Variants in NTF4 observed in about 807,000 individuals in gnomAD.
The protein encoded by NTF4 is neurotrophin-4.
A neutral mutation model predicts 4.4 loss-of-function variants in NTF4; 2 were observed. That is an observed-to-expected ratio of 0.46 (90% CI 0.19 to 1.44). The LOEUF (loss-of-function observed/expected upper bound fraction) is 1.44. Among genes scored for constraint, NTF4 ranks in the 40% most tolerant of loss-of-function variants. The pLI is 0.26. For synonymous variants in NTF4, 127 were observed against 122.0 expected (o/e 1.04, Z -0.27); for missense variants, 260 against 293.0 (o/e 0.89, Z 0.82).
rs951341070 is a variant in NTF4 at position 49,061,701 on chromosome 19, T to G, written c.297A>C (p.Ala99=). The change falls in exon 1 of 1, where the codon GCA becomes GCC. Residue 99 remains alanine (A), a synonymous_variant. Transcript: ENST00000593537. The surrounding 1 kb of genome is among the most constrained non-coding windows in gnomAD (Gnocchi z 4.9). ...GGCGGTCTGTCACCCAGCCACTGAC[T>G]GCATCGCACACAGCCAGCTCACCCC... The G allele has an allele frequency of 1.9e-6, 3 of 1,613,264 alleles. No individual in the cohort carries two copies. The highest frequency in any genetic ancestry group is 1.7e-5 in the Admixed American group (1 of 60,000).
chr19:49,062,657 G>A (rs574309682), upstream of NTF4, among the ~76,000 whole-genome samples: 18 of 152,026 alleles, frequency 1.2e-4, no homozygotes, highest in African/African-American at 3.9e-4. Context: ...GGTGGCGCAT[G>A]TCTGTAATCC....
At position 49,061,216 on chromosome 19, in the gene NTF4, T is replaced by C; in HGVS notation, c.*149A>G. On this transcript the variant is annotated 3_prime_UTR_variant, in exon 1 of 1. Transcript: ENST00000593537. The surrounding 1 kb of genome is among the most constrained non-coding windows in gnomAD (Gnocchi z 4.9). ...TTCAACCTCCAAAACCCCATGTGGT[T>C]TCACCCATCCTGCAGAGATTGAGCT... 2 of 1,480,018 alleles carry C rather than the reference T, an allele frequency of 1.4e-6. No individual in the cohort carries two copies. The highest frequency in any genetic ancestry group is 9.0e-7 in the Non-Finnish European group (1 of 1,107,334). The allele number at this position is 1,480,018 out of a possible 1,614,324, so 91.7% of individuals were successfully genotyped here. A position where few individuals can be genotyped will look rare whatever the true frequency, so the allele number is the denominator to read the frequency against.
upstream of NTF4, chr19:49,064,446 A>C: frequency 6.2e-6 from 1 of 160,208 alleles, no homozygotes. Context: ...CCTCCCTCAG[A>C]CCCAGGAGTA....
Position 49,061,323 on chromosome 19 carries a change from G to T in NTF4, c.*42C>A, listed in dbSNP as rs1342211245. On this transcript the variant is annotated 3_prime_UTR_variant, in exon 1 of 1. Coordinates refer to ENST00000593537, the Ensembl canonical transcript of NTF4. This position sits in a 1 kb window ranked among gnomAD's most constrained non-coding sequence, Gnocchi z 4.9. Reference sequence around the variant, plus strand: ...TTAGATCAGCTGGGCCATCCCTGAGGTCTCTCAGCATCCAGCTCTGTTATT... The same window carrying T: ...TTAGATCAGCTGGGCCATCCCTGAGTTCTCTCAGCATCCAGCTCTGTTATT... 1 of 1,609,448 alleles carries T rather than the reference G, an allele frequency of 6.2e-7. No homozygotes were observed. The highest frequency in any genetic ancestry group is 1.7e-5 in the Admixed American group (1 of 59,978).
downstream of NTF4, among the ~76,000 whole-genome samples, chr19:49,059,331 G>C (rs924368028): frequency 3.3e-5 from 5 of 152,196 alleles, no homozygotes; most frequent in Non-Finnish European, 5.9e-5. Flanking sequence ...GGTGGGGAAA[G>C]AGAAAGGGAT....
chr19:49,058,567 C>G, downstream of NTF4: 1 of 487,636 alleles, frequency 2.1e-6, no homozygotes, highest in South Asian at 3.8e-5. Flanking sequence ...CCCCATCTTT[C>G]TGGGTCCCCA....
chr19:49,059,353 T>C (rs1398591993), downstream of NTF4, among the ~76,000 whole-genome samples: 1 of 151,868 alleles, frequency 6.6e-6, no homozygotes. Context: ...TAGAGAGAAG[T>C]GCACCGGACC....
At chr19:49,058,388 G>A (rs537205721), downstream of NTF4, 4 of 964,338 alleles carry the variant, frequency 4.1e-6, no homozygotes, top group African/African-American at 6.6e-5. Flanking sequence ...AGACTCAGGA[G>A]TCCCTATCAC....
chr19:49,061,957 A>T lies in NTF4; in HGVS notation c.41T>A (p.Leu14His). Residue 14 changes from leucine (L) to histidine (H), a missense_variant, in exon 1 of 1, where the codon CTT (leucine) becomes CAT (histidine). By Grantham distance (99) the Leu-to-His change is moderately conservative (BLOSUM62 -3). Coordinates refer to ENST00000593537, the Ensembl canonical transcript of NTF4. The surrounding 1 kb of genome is among the most constrained non-coding windows in gnomAD (Gnocchi z 4.9). ...AATTGGCACACTGGGGAGGAGGAAAAGGAGGAGGATGGGGAGGGAGCATGA... is the reference window on the plus strand; with the variant it reads ...AATTGGCACACTGGGGAGGAGGAAATGGAGGAGGATGGGGAGGGAGCATGA... 4 of 1,502,128 alleles carry T rather than the reference A, an allele frequency of 2.7e-6. No individual in the cohort carries two copies. The highest frequency in any genetic ancestry group is 3.6e-6 in the Non-Finnish European group (4 of 1,114,298). 93.0% of individuals were successfully genotyped at this position (1,502,128 alleles called of 1,614,324 possible).
upstream of NTF4, among the ~76,000 whole-genome samples, chr19:49,062,809 A>T (rs1453061668): frequency 1.3e-5 from 2 of 152,136 alleles, no homozygotes; most frequent in African/African-American, 4.8e-5. Flanking sequence ...ATAATAAAAT[A>T]AAAATAAAAA....
upstream of NTF4, among the ~76,000 whole-genome samples, chr19:49,062,421 G>A (rs574437599): frequency 6.6e-5 from 10 of 152,206 alleles, no homozygotes; most frequent in African/African-American, 9.6e-5. Context: ...CCAGGAGGCC[G>A]AGGTTGCAGT....
Position 49,061,922 on chromosome 19 carries a change from G to T in NTF4, c.76C>A (p.Pro26Thr). The change falls in exon 1 of 1, where the codon CCC (proline) becomes ACC (threonine). Residue 26 changes from proline to threonine, a missense_variant. By Grantham distance (38) the Pro-to-Thr change is conservative. Coordinates refer to ENST00000593537, the Ensembl canonical transcript of NTF4. The surrounding 1 kb of genome is among the most constrained non-coding windows in gnomAD (Gnocchi z 4.9). Reference sequence around the variant, plus strand: ...AAAGGGGGCAATGTTGAGGGTGGGGGTTGGGACTCAATTGGCACACTGGGG... The same window carrying T: ...AAAGGGGGCAATGTTGAGGGTGGGGTTTGGGACTCAATTGGCACACTGGGG... 1 of 1,523,920 alleles carries T rather than the reference G, an allele frequency of 6.6e-7. No individual in the cohort carries two copies. Among genetic ancestry groups the T allele is most frequent in the Non-Finnish European group, 8.9e-7 (1 of 1,125,224 alleles). 94.4% of individuals were successfully genotyped at this position (1,523,920 alleles called of 1,614,324 possible).
At chr19:49,062,038 T>G, upstream of NTF4, 1 of 1,428,718 alleles carries the variant, frequency 7.0e-7, no homozygotes. Flanking sequence ...AGGCTGGGAT[T>G]AGAGAAGGGG....
At chr19:49,058,357 G>GGCGCC (rs1568406500), downstream of NTF4, 2 of 1,367,674 alleles carry the variant, frequency 1.5e-6, no homozygotes, top group Non-Finnish European at 1.9e-6. Flanking sequence ...CTGGAGAGAA[G>GGCGCC]GCGCCGCACA....
upstream of NTF4, chr19:49,062,093 C>T: frequency 1.4e-6 from 2 of 1,394,888 alleles, no homozygotes; most frequent in Non-Finnish European, 1.9e-6. Context: ...CCAGGGGAGG[C>T]TTGCCTGCCA....
chr19:49,058,758 C>A, downstream of NTF4: 1 of 174,626 alleles, frequency 5.7e-6, no homozygotes, highest in South Asian at 1.7e-4. Flanking sequence ...GCCAGGGTGC[C>A]ACTGGCCATG....
downstream of NTF4, chr19:49,058,559 C>T (rs1298218149): frequency 2.9e-5 from 14 of 490,360 alleles, no homozygotes; most frequent in Non-Finnish European, 3.6e-6. Context: ...TTCTCAGCCC[C>T]CATCTTTCTG....
At chr19:49,063,380 C>G (rs888208271), upstream of NTF4, among the ~76,000 whole-genome samples, 1 of 150,446 alleles carries the variant, frequency 6.6e-6, no homozygotes, top group Non-Finnish European at 1.5e-5. Context: ...TGCAGTGGCA[C>G]GATCTTGGCT....
rs757244498 is a variant in NTF4, at chr19:49,061,535, C to G, written c.463G>C (p.Gly155Arg). Residue 155 changes from glycine to arginine, a missense_variant, in exon 1 of 1, where the codon GGA (glycine) becomes CGA (arginine). Physicochemically the swap from Gly to Arg is moderately radical, Grantham distance 125 (BLOSUM62 -2). Coordinates refer to ENST00000593537, the Ensembl canonical transcript of NTF4. The surrounding 1 kb of genome is among the most constrained non-coding windows in gnomAD (Gnocchi z 4.9). ...CTGTCCACTCCCCGGCAGCCCCCTCCACCTGCCCCCGGGCCACCTTCCTCA... is the reference window on the plus strand; with the variant it reads ...CTGTCCACTCCCCGGCAGCCCCCTCGACCTGCCCCCGGGCCACCTTCCTCA... 1 of 1,614,210 alleles carries G rather than the reference C, an allele frequency of 6.2e-7. No individual in the cohort carries two copies. Among genetic ancestry groups the G allele is most frequent in the Non-Finnish European group, 8.5e-7 (1 of 1,180,048 alleles).
Sources: gnomAD v4.1 joint callset for allele counts (sites outside exome capture counted in the v4.1 genomes callset) on GRCh38, gnomAD v4.1.1 for gene constraint, Gnocchi (gnomAD v3.1) non-coding constraint, MANE v1.5 for transcripts, NCBI Gene and HGNC (gene_info 2026-07-23, HGNC 2026-07-21) for gene names.